Variants in ADAMTS17 observed in about 807,000 individuals in gnomAD.
ADAMTS17 encodes the protein A disintegrin and metalloproteinase with thrombospondin motifs 17.
Under a neutral mutation model 141.5 loss-of-function variants are expected in ADAMTS17, and 113 were observed. The observed-to-expected ratio is 0.80, with a 90% CI of 0.69 to 0.93. ADAMTS17 has a LOEUF of 0.93. Ranked by LOEUF, ADAMTS17 falls within the 40% of genes least tolerant of loss-of-function variation. The probability of loss-of-function intolerance (pLI) is 0.00; values close to 1 mark genes in which losing one functional copy is unlikely to be tolerated. For synonymous variants in ADAMTS17, 768 were observed against 630.6 expected (o/e 1.22, Z -3.27); for missense variants, 1,659 against 1,517.9 (o/e 1.09, Z -1.54).
At position 100,094,655 on chromosome 15, in the gene ADAMTS17, T is replaced by TA. The variant is rs563639374; in HGVS notation, c.2137+1700dup. ...TGTCTTCTACAGAATCACGCACTTG[T>TA]AGTCAGTTCTCTTTATGGGAGCTCA... On this transcript the variant is annotated intron_variant, in intron 15 of 21. Transcript: ENST00000268070. Among the ~76,000 whole-genome samples the TA allele has an allele frequency of 9.8e-5, 15 of 152,302 alleles. No homozygotes were observed. In the South Asian group the frequency reaches 3.1e-3, roughly 32 times the overall value.
Position 100,294,560 on chromosome 15 carries a change from A to C in ADAMTS17, c.617-13159T>G, listed in dbSNP as rs1222973173. 2.6e-5 allele frequency among the ~76,000 whole-genome samples: 4 copies of C among 151,892 alleles called. No homozygotes were observed. In the East Asian group the frequency reaches 7.7e-4, roughly 29 times the overall value. On this transcript the variant is annotated intron_variant, in intron 3 of 21. Transcript: ENST00000268070. ...GACCAGCGTGGGCAAAAAAAAAAAA[A>C]AGCTGGGGATGGTGGCACGTGCTTG...
At chr15:100,058,308 C>A (rs75288193) in intron 15 of ADAMTS17, among the ~76,000 whole-genome samples, 1 of 19,486 alleles carries the variant, frequency 5.1e-5, no homozygotes, top group African/African-American at 2.3e-4. Context: ...GCTCTAACAC[C>A]CCTATCCCGG....
At chr15:100,028,343 C>T (rs1056448339) in intron 18 of ADAMTS17, among the ~76,000 whole-genome samples, 5 of 152,156 alleles carry the variant, frequency 3.3e-5, no homozygotes, top group Admixed American at 1.3e-4. Flanking sequence ...TCTTCGGACC[C>T]GGCCATTTAT....
intron 14 of ADAMTS17, among the ~76,000 whole-genome samples, chr15:100,106,770 G>A (rs1160055184): frequency 1.3e-5 from 2 of 152,222 alleles, no homozygotes; most frequent in East Asian, 1.9e-4. Flanking sequence ...TGTGTAATTT[G>A]GGTCGGACAC....
Position 100,341,055 on chromosome 15 carries a change from C to A in ADAMTS17, c.434G>T (p.Gly145Val). Reference sequence around the variant, plus strand: ...GGGCAGTACCAGGCCGCCGGCGGCGCCGCAGGCGCTGAGCGAGACGAGGGA... The same window carrying A: ...GGGCAGTACCAGGCCGCCGGCGGCGACGCAGGCGCTGAGCGAGACGAGGGA... Reference protein sequence around the residue: ...PGSLVSLSACGAAGGLVGLIQ... With the variant: ...PGSLVSLSACVAAGGLVGLIQ... Residue 145 changes from glycine to valine, a missense_variant, in exon 2 of 22, where the codon GGC (glycine) becomes GTC (valine). By Grantham distance (109) the Gly-to-Val change is moderately radical. Transcript: ENST00000268070. 2 of 1,523,908 alleles carry A rather than the reference C, an allele frequency of 1.3e-6. No homozygotes were observed. The highest frequency in any genetic ancestry group is 2.4e-5 in the South Asian group (2 of 83,712). 94.4% of individuals were successfully genotyped at this position (1,523,908 alleles called of 1,614,324 possible). A position where few individuals can be genotyped will look rare whatever the true frequency, so the allele number is the denominator to read the frequency against.
intron 3 of ADAMTS17, among the ~76,000 whole-genome samples, chr15:100,327,915 T>C (rs562849104): frequency 6.6e-6 from 1 of 152,174 alleles, no homozygotes; most frequent in Admixed American, 6.5e-5. Flanking sequence ...TGTCAGTCCT[T>C]CTAGCCACCA....
In ADAMTS17 at chr15:100,109,010, G is replaced by C. The variant is rs776029458; in HGVS notation, c.1995C>G (p.Leu665=). Residue 665 remains leucine, a synonymous_variant, in exon 14 of 22, where the codon CTC becomes CTG. Coordinates refer to ENST00000268070, the MANE Select transcript of ADAMTS17 (RefSeq NM_139057.4). ...GTPCGPYETD[L]CVHGKCQKIG... ...TCACCTGGCACTTGCCGTGCACGCA[G>C]AGATCAGTCTCGTAGGGCCCGCAGG... The C allele has an allele frequency of 3.1e-6, 5 of 1,614,130 alleles. No individual in the cohort carries two copies. The South Asian group carries it at 3.3e-5, about 11-fold the overall frequency.
At chr15:100,340,198 C>T (rs781088702) in intron 2 of ADAMTS17, among the ~76,000 whole-genome samples, 4 of 152,216 alleles carry the variant, frequency 2.6e-5, no homozygotes. Flanking sequence ...GCTGAGTGCT[C>T]GTCTGGGCGC....
At chr15:100,192,275 A>G (rs879488544) in intron 8 of ADAMTS17, among the ~76,000 whole-genome samples, 12 of 152,206 alleles carry the variant, frequency 7.9e-5, no homozygotes, top group Non-Finnish European at 1.8e-4. Context: ...AGAAGGGAAG[A>G]CTGCCTGAGG....
intron 13 of ADAMTS17, among the ~76,000 whole-genome samples, chr15:100,113,845 G>C (rs543246232): frequency 1.3e-5 from 2 of 152,326 alleles, no homozygotes; most frequent in Admixed American, 1.3e-4. Context: ...GTGCCAGGCA[G>C]GAGGCGCTGG....
intron 3 of ADAMTS17, among the ~76,000 whole-genome samples, chr15:100,316,710 T>A (rs957556243): frequency 2.0e-5 from 3 of 152,258 alleles, no homozygotes; most frequent in Non-Finnish European, 4.4e-5. Context: ...TTCTACTTCA[T>A]GAAATTGCAT....
At position 99,990,141 on chromosome 15, in the gene ADAMTS17, T is replaced by A. The variant is rs144182889; in HGVS notation, c.2949+2907A>T. On this transcript the variant is annotated intron_variant, in intron 20 of 21. Transcript: ENST00000268070. ...GCTTCGACTTCCCTGGCTCAAGTGA[T>A]CCTCCCGCCTCAGCCTCCTAAGGAG... Among the ~76,000 whole-genome samples the A allele has an allele frequency of 1.7e-3, 258 of 152,274 alleles. 1 individual carries two copies. The highest frequency in any genetic ancestry group is 0.01 in the Middle Eastern group (3 of 294).
chr15:100,318,541 C>A (rs2045635928), intron 3 of ADAMTS17, among the ~76,000 whole-genome samples: 1 of 152,218 alleles, frequency 6.6e-6, no homozygotes. Context: ...TCACCAGACA[C>A]TGAGGCTGCT....
intron 7 of ADAMTS17, among the ~76,000 whole-genome samples, chr15:100,247,795 T>A (rs1384694978): frequency 6.6e-6 from 1 of 152,048 alleles, no homozygotes; most frequent in Admixed American, 6.6e-5. Flanking sequence ...CTCCTCTTGG[T>A]TTCATGGCCT....
At chr15:100,193,469 G>A (rs1425997590) in intron 8 of ADAMTS17, among the ~76,000 whole-genome samples, 3 of 152,194 alleles carry the variant, frequency 2.0e-5, no homozygotes, top group Non-Finnish European at 4.4e-5. Flanking sequence ...CTGGGGCCTT[G>A]GAGGCATGGC....
At chr15:100,091,751 G>C (rs1003553931) in intron 15 of ADAMTS17, among the ~76,000 whole-genome samples, 2 of 152,108 alleles carry the variant, frequency 1.3e-5, no homozygotes, top group African/African-American at 4.8e-5. Context: ...CTGGCTACGT[G>C]TACTTGGACT....
chr15:100,165,264 T>A (rs1385421339), intron 8 of ADAMTS17, among the ~76,000 whole-genome samples: 2 of 152,128 alleles, frequency 1.3e-5, no homozygotes, highest in Non-Finnish European at 2.9e-5. Context: ...CTCCATCAGC[T>A]CTCAGAGCAC....
In ADAMTS17 at chr15:100,054,003, AG is replaced by A; in HGVS notation, c.2188del (p.Leu730SerfsTer15). The A allele has an allele frequency of 6.2e-7, 1 of 1,614,132 alleles. No individual in the cohort carries two copies. The highest frequency in any genetic ancestry group is 2.2e-5 in the East Asian group (1 of 44,880). On this transcript the variant is annotated frameshift_variant, in exon 16 of 22. Transcript: ENST00000268070. LOFTEE classifies it high-confidence loss of function. ...GCCTGCAATCTGGAACTCTCCGGGG[AG>A]CTCTATCTTCCAGTCACTGTTGATG... ...GSINSDWKIE[L>X]PGEFQIAGTT...
In ADAMTS17 at chr15:99,997,362, T is replaced by G; in HGVS notation, c.2796+23A>C. On this transcript the variant is annotated intron_variant, in intron 19 of 21. Coordinates refer to ENST00000268070, the MANE Select transcript of ADAMTS17 (RefSeq NM_139057.4). The surrounding 1 kb of genome is among the most constrained non-coding windows in gnomAD (Gnocchi z 4.7). Reference sequence around the variant, plus strand: ...TGTTGGAGTCCCTGTGGCTGAGTCCTGGTGGCAAGCCCAGGCACCCACCTG... The same window carrying G: ...TGTTGGAGTCCCTGTGGCTGAGTCCGGGTGGCAAGCCCAGGCACCCACCTG... 1 of 1,613,318 alleles carries G rather than the reference T, an allele frequency of 6.2e-7. No individual in the cohort carries two copies. Among genetic ancestry groups the G allele is most frequent in the Non-Finnish European group, 8.5e-7 (1 of 1,179,804 alleles).
Sources: gnomAD v4.1 joint callset for allele counts (sites outside exome capture counted in the v4.1 genomes callset) on GRCh38, gnomAD v4.1.1 for gene constraint, Gnocchi (gnomAD v3.1) non-coding constraint, MANE v1.5 for transcripts, NCBI Gene and HGNC (gene_info 2026-07-23, HGNC 2026-07-21) for gene names.